TNFAIP8: variants seen among roughly 807,000 people sequenced by gnomAD.
The protein encoded by TNFAIP8 is TNF alpha induced protein 8.
TNFAIP8 carries 7 observed loss-of-function variants against 13.3 expected under a neutral mutation model. The ratio of observed to expected loss-of-function variants is 0.52; its 90% CI spans 0.30 to 0.99. The LOEUF is 0.99. Among genes scored for constraint, TNFAIP8 ranks in the 50% least tolerant of loss-of-function variants. TNFAIP8 has a pLI of 0.07. For synonymous variants in TNFAIP8, 94 were observed against 87.6 expected (o/e 1.07, Z -0.41); for missense variants, 258 against 236.9 (o/e 1.09, Z -0.58).
intron 1 of TNFAIP8, among the ~76,000 whole-genome samples, chr5:119,304,369 T>C (rs557162422): frequency 6.6e-6 from 1 of 152,362 alleles, no homozygotes; most frequent in Non-Finnish European, 1.5e-5. Context: ...ATCTGGTTCC[T>C]GTCCAGCTTT....
chr5:119,297,280 T>G (rs373006749), intron 1 of TNFAIP8, among the ~76,000 whole-genome samples: 1 of 152,114 alleles, frequency 6.6e-6, no homozygotes, highest in Non-Finnish European at 1.5e-5. Context: ...GCTTTGAAAG[T>G]GTCCCAGAGA....
At chr5:119,275,928 G>A (rs543500509) in intron 1 of TNFAIP8, among the ~76,000 whole-genome samples, 3 of 151,932 alleles carry the variant, frequency 2.0e-5, no homozygotes, top group Non-Finnish European at 4.4e-5. Flanking sequence ...CATCCCCCAG[G>A]TTTGCTGCCC....
chr5:119,365,111 C>G (rs1466338950), intron 1 of TNFAIP8, among the ~76,000 whole-genome samples: 1 of 152,070 alleles, frequency 6.6e-6, no homozygotes, highest in Non-Finnish European at 1.5e-5. Flanking sequence ...CTTGGCCTCC[C>G]AAAGTGCTGG....
At chr5:119,354,128 G>C (rs2112766510), upstream of TNFAIP8, among the ~76,000 whole-genome samples, 1 of 152,288 alleles carries the variant, frequency 6.6e-6, no homozygotes, top group African/African-American at 2.4e-5. Flanking sequence ...CCTCATCTCA[G>C]TGTATCTCCC....
chr5:119,296,318 G>C (rs1347704434), intron 1 of TNFAIP8, among the ~76,000 whole-genome samples: 1 of 151,924 alleles, frequency 6.6e-6, no homozygotes, highest in Admixed American at 6.6e-5. Context: ...CTAATTTATT[G>C]AGAGTTTTTA....
At position 119,308,729 on chromosome 5, in the gene TNFAIP8, G is replaced by T. The variant is rs1749640858; in HGVS notation, c.1+39822G>T. On this transcript the variant is annotated intron_variant, in intron 1 of 1. Transcript: ENST00000274456. ...CTACAAAAATTAGCCAGGTGCAGTG[G>T]CAGGTGCCTGTAATCCCAGCTACTC... 3.3e-5 allele frequency among the ~76,000 whole-genome samples: 5 copies of T among 152,062 alleles called. No homozygotes were observed. In the South Asian group the frequency reaches 1.0e-3, roughly 32 times the overall value.
intron 1 of TNFAIP8, among the ~76,000 whole-genome samples, chr5:119,329,010 G>A (rs888857512): frequency 2.6e-5 from 4 of 152,214 alleles, no homozygotes; most frequent in African/African-American, 9.6e-5. Flanking sequence ...GGTGCTGCAA[G>A]TGTGAAGAGA....
chr5:119,393,544 T>C lies in TNFAIP8; in HGVS notation c.*163T>C, dbSNP rs949455311. The C allele has an allele frequency of 1.3e-5, 11 of 824,022 alleles. No individual in the cohort carries two copies. In the African/African-American group the frequency reaches 1.7e-4, roughly 13 times the overall value. 51.0% of individuals were successfully genotyped at this position (824,022 alleles called of 1,614,324 possible). ...ATGATTTATTTGAAGGCTTGTTTTA[T>C]TTGAAGAAAAGCATATTGCCAAAAA... On this transcript the variant is annotated 3_prime_UTR_variant, in exon 2 of 2. Coordinates refer to ENST00000504771, the MANE Select transcript of TNFAIP8 (RefSeq NM_014350.4).
intron 1 of TNFAIP8, among the ~76,000 whole-genome samples, chr5:119,390,873 CAGT>C (rs1181632317): frequency 1.3e-5 from 2 of 151,908 alleles, no homozygotes; most frequent in Admixed American, 6.6e-5. Flanking sequence ...GGCTGGAGTG[CAGT>C]AGTGCAATCA....
intron 1 of TNFAIP8, among the ~76,000 whole-genome samples, chr5:119,312,676 G>T (rs1250140654): frequency 6.9e-6 from 1 of 144,302 alleles, no homozygotes; most frequent in Non-Finnish European, 1.5e-5. Context: ...AGGCAGGGTG[G>T]ATCCCTTGAG....
In TNFAIP8 at chr5:119,396,026, C is replaced by G. The variant is rs1314460298; in HGVS notation, c.*2645C>G. 6.6e-6 allele frequency: 1 copy of G among 152,162 alleles called. No individual in the cohort carries two copies. Among genetic ancestry groups the G allele is most frequent in the Non-Finnish European group, 1.5e-5 (1 of 68,028 alleles). The allele number at this position is 152,162 out of a possible 1,614,324, so 9.4% of individuals were successfully genotyped here. On this transcript the variant is annotated 3_prime_UTR_variant, in exon 2 of 2. Transcript: ENST00000504771. ...TTGTATTATGTGTCGGGCACATTAA[C>G]TCATTTAATTCTGCCACAATCTTCA...
rs1221596414 is a variant in TNFAIP8 at position 119,398,385 on chromosome 5, G to A, written c.*5004G>A. The stretch of plus-strand genomic sequence containing the variant: ...CAAAAGCTTACAGATGAATTCATTC[G>A]TTTAAAACTGCCAGGCTGAGTGCGG... On this transcript the variant is annotated 3_prime_UTR_variant, in exon 2 of 2. Coordinates refer to ENST00000504771, the MANE Select transcript of TNFAIP8 (RefSeq NM_014350.4). 6.6e-6 allele frequency: 1 copy of A among 152,092 alleles called. No individual in the cohort carries two copies. The highest frequency in any genetic ancestry group is 2.4e-5 in the African/African-American group (1 of 41,418). The allele number at this position is 152,092 out of a possible 1,614,324, so 9.4% of individuals were successfully genotyped here.
chr5:119,290,413 C>A (rs1748944125), intron 1 of TNFAIP8, among the ~76,000 whole-genome samples: 1 of 152,154 alleles, frequency 6.6e-6, no homozygotes, highest in Non-Finnish European at 1.5e-5. Flanking sequence ...GTGGTAGTCG[C>A]TCTAGGCAGG....
At chr5:119,332,048 CAA>C (rs1003542960) in intron 1 of TNFAIP8, among the ~76,000 whole-genome samples, 8 of 152,234 alleles carry the variant, frequency 5.3e-5, no homozygotes, top group African/African-American at 1.9e-4. Flanking sequence ...CAAAAGAACA[CAA>C]AAATATGGTT....
chr5:119,372,556 C>T (rs1024127487), intron 1 of TNFAIP8, among the ~76,000 whole-genome samples: 5 of 152,150 alleles, frequency 3.3e-5, no homozygotes, highest in African/African-American at 4.8e-5. Flanking sequence ...AAATGGCCAC[C>T]GCTATGTGTG....
chr5:119,300,094 C>G (rs1427895290), intron 1 of TNFAIP8, among the ~76,000 whole-genome samples: 2 of 152,240 alleles, frequency 1.3e-5, no homozygotes, highest in South Asian at 4.1e-4. Context: ...TGCTTCGGCT[C>G]GCGCACGGTG....
chr5:119,311,285 A>C (rs973306613), intron 1 of TNFAIP8, among the ~76,000 whole-genome samples: 8 of 152,074 alleles, frequency 5.3e-5, no homozygotes, highest in Admixed American at 2.0e-4. Flanking sequence ...TGGCCTCCCA[A>C]AGTGCTGAGA....
At chr5:119,306,318 C>CTTTCTTT (rs1561993322) in intron 1 of TNFAIP8, 4 of 121,758 alleles carry the variant, frequency 3.3e-5, no homozygotes, top group African/African-American at 4.2e-5. Flanking sequence ...TTCTTTCTTT[C>CTTTCTTT]TTTTTCTTTT....
chr5:119,326,947 C>T (rs753617028), intron 1 of TNFAIP8, among the ~76,000 whole-genome samples: 16 of 152,286 alleles, frequency 1.1e-4, no homozygotes, highest in Non-Finnish European at 1.5e-4. Flanking sequence ...TAGTGAGCCT[C>T]TTCCAGATTA....
Sources: allele counts gnomAD v4.1 joint callset (sites outside exome capture counted in the v4.1 genomes callset), GRCh38; gene constraint gnomAD v4.1.1; transcripts MANE v1.5; gene names NCBI Gene and HGNC (gene_info 2026-07-23, HGNC 2026-07-21).